Variants in NAALADL2 observed in about 807,000 individuals in gnomAD.
The protein encoded by NAALADL2 is N-acetylated alpha-linked acidic dipeptidase like 2, also known as inactive N-acetylated-alpha-linked acidic dipeptidase-like protein 2.
A neutral mutation model predicts 87.2 loss-of-function variants in NAALADL2; 76 were observed. The ratio of observed to expected loss-of-function variants is 0.87; its 90% CI spans 0.72 to 1.05. The LOEUF is 1.05. Among genes scored for constraint, NAALADL2 ranks in the 50% least tolerant of loss-of-function variants. The probability of loss-of-function intolerance (pLI) is 0.00; values close to 1 mark genes in which losing one functional copy is unlikely to be tolerated. For missense variants in NAALADL2, 1,089 were observed against 945.8 expected (o/e 1.15, Z -1.99); for synonymous variants, 354 against 331.0 (o/e 1.07, Z -0.75).
chr3:175,324,266 C>T lies in NAALADL2; in HGVS notation c.1031C>T (p.Thr344Ile), dbSNP rs376170164. Residue 344 changes from threonine (T) to isoleucine (I), a missense_variant, in exon 5 of 14, where the codon ACC becomes ATC. Physicochemically the swap from Thr to Ile is moderately conservative, Grantham distance 89. Transcript: ENST00000454872. ...LPKTVNPSHD[T>I]FMVSLNPGGD... ...AAGACTGTGAATCCTAGCCATGATA[C>T]CTTCATGGTGTCACTGAATCCAGGA... is the stretch of plus-strand genomic sequence containing the variant. 7 of 1,612,552 alleles carry T rather than the reference C, an allele frequency of 4.3e-6. No homozygotes were observed. In the East Asian group the frequency reaches 8.9e-5, roughly 21 times the overall value.
chr3:175,050,283 A>T (rs1755202677), intron 1 of NAALADL2, among the ~76,000 whole-genome samples: 1 of 152,146 alleles, frequency 6.6e-6, no homozygotes, highest in Non-Finnish European at 1.5e-5. Flanking sequence ...TATTTTTGAG[A>T]CAGAGTTTCA....
chr3:175,649,443 A>G (rs1288090571), intron 11 of NAALADL2, among the ~76,000 whole-genome samples: 1 of 150,224 alleles, frequency 6.7e-6, no homozygotes, highest in African/African-American at 2.5e-5. Flanking sequence ...CATGTGTTTT[A>G]TTCTGCTTGG....
intron 9 of NAALADL2, among the ~76,000 whole-genome samples, chr3:175,505,750 C>G (rs1013548319): frequency 6.6e-6 from 1 of 152,114 alleles, no homozygotes; most frequent in Non-Finnish European, 1.5e-5. Flanking sequence ...AATACCTCTT[C>G]TTCTGAGAAA....
intron 1 of NAALADL2, among the ~76,000 whole-genome samples, chr3:174,531,151 C>T (rs756039353): frequency 7.2e-5 from 11 of 151,972 alleles, no homozygotes; most frequent in African/African-American, 9.7e-5. Context: ...TATTTGGCCC[C>T]GTGTTTCTAT....
At chr3:174,861,754 G>T (rs1395481458) in intron 1 of NAALADL2, among the ~76,000 whole-genome samples, 1 of 152,020 alleles carries the variant, frequency 6.6e-6, no homozygotes, top group African/African-American at 2.4e-5. Flanking sequence ...GCTAGCCATA[G>T]ATATTATCAA....
At chr3:174,520,899 A>G (rs2108411308) in intron 1 of NAALADL2, among the ~76,000 whole-genome samples, 1 of 152,330 alleles carries the variant, frequency 6.6e-6, no homozygotes, top group Admixed American at 6.5e-5. Context: ...CAAGCAGCCA[A>G]GAAACATGAA....
intron 2 of NAALADL2, among the ~76,000 whole-genome samples, chr3:175,122,301 A>G (rs1726278197): frequency 6.6e-6 from 1 of 151,856 alleles, no homozygotes; most frequent in Non-Finnish European, 1.5e-5. Context: ...GCACTGGAAA[A>G]GTTTTATTGT....
chr3:175,420,710 A>C (rs988438676), intron 5 of NAALADL2, among the ~76,000 whole-genome samples: 3 of 152,046 alleles, frequency 2.0e-5, no homozygotes, highest in African/African-American at 7.2e-5. Context: ...CCTGTTTCTC[A>C]AACAGCTCAT....
At chr3:175,126,771 C>T (rs1727033330) in intron 2 of NAALADL2, among the ~76,000 whole-genome samples, 1 of 151,090 alleles carries the variant, frequency 6.6e-6, no homozygotes, top group South Asian at 2.1e-4. Context: ...ATATTTGCAA[C>T]AGAAATCTCA....
At chr3:174,902,564 A>ATT (rs1732447207) in intron 1 of NAALADL2, among the ~76,000 whole-genome samples, 2 of 152,148 alleles carry the variant, frequency 1.3e-5, no homozygotes, top group Non-Finnish European at 2.9e-5. Context: ...CAAAAAAGTA[A>ATT]ACATTATCTA....
At chr3:174,970,609 C>G (rs1743493646) in intron 1 of NAALADL2, among the ~76,000 whole-genome samples, 1 of 152,134 alleles carries the variant, frequency 6.6e-6, no homozygotes, top group Non-Finnish European at 1.5e-5. Flanking sequence ...AAAGAAGAGA[C>G]AGAAGCTGTG....
intron 13 of NAALADL2, among the ~76,000 whole-genome samples, chr3:175,790,523 T>C (rs1441322483): frequency 2.6e-5 from 4 of 152,188 alleles, no homozygotes; most frequent in Non-Finnish European, 5.9e-5. Flanking sequence ...GACAAAGAAC[T>C]TTTCTTTGAG....
intron 1 of NAALADL2, among the ~76,000 whole-genome samples, chr3:174,987,597 A>C (rs1401587045): frequency 7.0e-6 from 1 of 143,312 alleles, no homozygotes; most frequent in Non-Finnish European, 1.5e-5. Context: ...AAAAAAAAAA[A>C]ACAATACTCA....
At chr3:174,557,036 G>T (rs965104919) in intron 2 of NAALADL2, among the ~76,000 whole-genome samples, 1 of 152,052 alleles carries the variant, frequency 6.6e-6, no homozygotes, top group Non-Finnish European at 1.5e-5. Context: ...TTGAGCCACC[G>T]TGCCCAGCTA....
At chr3:174,509,477 C>T (rs1415189659) in intron 1 of NAALADL2, among the ~76,000 whole-genome samples, 2 of 148,208 alleles carry the variant, frequency 1.3e-5, no homozygotes, top group Non-Finnish European at 3.0e-5. Flanking sequence ...TATCTGCTCA[C>T]TGCAACCTCC....
rs377338286 is a variant in NAALADL2, at chr3:174,921,508, A to C, written c.43+62058A>C. ...TAATGTAAAATATTTCACTTAGAAA[A>C]TAACTTCTAAGGGCCTGGCGCGGTG... On this transcript the variant is annotated intron_variant, in intron 1 of 13. Transcript: ENST00000454872. 4.0e-4 allele frequency among the ~76,000 whole-genome samples: 61 copies of C among 152,286 alleles called. No individual in the cohort carries two copies. In the East Asian group the frequency reaches 6.4e-3, roughly 16 times the overall value.
chr3:174,763,818 C>A (rs1366910084), intron 3 of NAALADL2, among the ~76,000 whole-genome samples: 2 of 86,696 alleles, frequency 2.3e-5, no homozygotes, highest in Non-Finnish European at 2.2e-5. Context: ...AAAACTAAAA[C>A]CAAAACAAAA....
chr3:175,340,807 G>C (rs188596577), intron 5 of NAALADL2, among the ~76,000 whole-genome samples: 3 of 152,246 alleles, frequency 2.0e-5, no homozygotes, highest in Admixed American at 2.0e-4. Context: ...ATGACCATAA[G>C]AGAAGCACAA....
intron 7 of NAALADL2, among the ~76,000 whole-genome samples, chr3:175,463,701 GGAGAGAGAGA>G (rs10591566): frequency 2.6e-5 from 3 of 115,486 alleles, no homozygotes; most frequent in Admixed American, 8.4e-5. Flanking sequence ...CTTAGTCGGG[GGAGAGAGAGA>G]GAGAGAGAGA....
Sources: gnomAD v4.1 joint callset for allele counts (sites outside exome capture counted in the v4.1 genomes callset) on GRCh38, gnomAD v4.1.1 for gene constraint, MANE v1.5 for transcripts, NCBI Gene and HGNC (gene_info 2026-07-23, HGNC 2026-07-21) for gene names.